PCDH15: variants seen among roughly 807,000 people sequenced by gnomAD.
PCDH15 encodes protocadherin-15.
A neutral mutation model predicts 178.5 loss-of-function variants in PCDH15; 129 were observed. The ratio of observed to expected loss-of-function variants is 0.72; its 90% CI spans 0.63 to 0.84. The LOEUF is 0.84. Ranked by LOEUF, PCDH15 falls within the 40% of genes least tolerant of loss-of-function variation. The pLI is 0.00. For missense variants in PCDH15, 2,230 were observed against 2,099.9 expected (o/e 1.06, Z -1.21); for synonymous variants, 800 against 732.0 (o/e 1.09, Z -1.50).
At chr10:55,118,386 C>G (rs982197360) in intron 2 of PCDH15, among the ~76,000 whole-genome samples, 1 of 152,100 alleles carries the variant, frequency 6.6e-6, no homozygotes, top group African/African-American at 2.4e-5. Context: ...ATCATGAGGG[C>G]GTACCATTTT....
chr10:54,562,259 G>T (rs909095573), intron 2 of PCDH15, among the ~76,000 whole-genome samples: 4 of 152,058 alleles, frequency 2.6e-5, no homozygotes, highest in Non-Finnish European at 5.9e-5. Context: ...CCAAAGTGCT[G>T]GGATTACAGG....
chr10:54,027,136 T>C (rs1258754668), intron 18 of PCDH15, among the ~76,000 whole-genome samples: 1 of 146,506 alleles, frequency 6.8e-6, no homozygotes, highest in Non-Finnish European at 1.5e-5. Flanking sequence ...AGCATTCTTA[T>C]ACACCAACAA....
In PCDH15 at chr10:53,805,782, C is replaced by T. The variant is rs552683305; in HGVS notation, c.*797G>A. 3.3e-5 allele frequency: 5 copies of T among 152,218 alleles called. No homozygotes were observed. In the East Asian group the frequency reaches 7.7e-4, roughly 24 times the overall value. 9.4% of individuals were successfully genotyped at this position (152,218 alleles called of 1,614,324 possible). On this transcript the variant is annotated 3_prime_UTR_variant, in exon 38 of 38. Coordinates refer to ENST00000644397, the MANE Select transcript of PCDH15 (RefSeq NM_001384140.1). Reference sequence around the variant, plus strand: ...CATTACTGCTTACTCGAACCTTTCTCACTTCCCTAAAAGCTTTTGCTAAGG... The same window carrying T: ...CATTACTGCTTACTCGAACCTTTCTTACTTCCCTAAAAGCTTTTGCTAAGG...
At chr10:55,094,904 A>G (rs1434640836) in intron 2 of PCDH15, among the ~76,000 whole-genome samples, 4 of 151,384 alleles carry the variant, frequency 2.6e-5, no homozygotes, top group African/African-American at 9.7e-5. Context: ...AAAACACACC[A>G]AAAAACAAAC....
At chr10:54,175,736 G>C (rs1364109026) in intron 13 of PCDH15, among the ~76,000 whole-genome samples, 1 of 152,130 alleles carries the variant, frequency 6.6e-6, no homozygotes, top group East Asian at 1.9e-4. Flanking sequence ...CTTCATCTCT[G>C]TCACTTAAAA....
intron 10 of PCDH15, among the ~76,000 whole-genome samples, chr10:54,199,802 A>C (rs1227444910): frequency 1.3e-5 from 2 of 152,070 alleles, no homozygotes; most frequent in South Asian, 2.1e-4. Context: ...AGGTAACCTT[A>C]TTTATATTTA....
rs1162474047 is a variant in PCDH15 at position 54,183,601 on chromosome 10, A to G, written c.1441-8T>C. 6.2e-7 allele frequency: 1 copy of G among 1,613,672 alleles called. No homozygotes were observed. Among genetic ancestry groups the G allele is most frequent in the Non-Finnish European group, 8.5e-7 (1 of 1,179,924 alleles). ...ACCATCAAATGCTGTTATCTTTGGGAGGAGAAAAATACACTTAGTAGAGAT... is the reference window on the plus strand; with the variant it reads ...ACCATCAAATGCTGTTATCTTTGGGGGGAGAAAAATACACTTAGTAGAGAT... On this transcript the variant is annotated splice_region_variant and splice_polypyrimidine_tract_variant and intron_variant, in intron 12 of 37. Coordinates refer to ENST00000644397, the MANE Select transcript of PCDH15 (RefSeq NM_001384140.1).
chr10:54,519,009 C>G (rs1168332296), intron 3 of PCDH15, among the ~76,000 whole-genome samples: 1 of 152,178 alleles, frequency 6.6e-6, no homozygotes, highest in East Asian at 1.9e-4. Context: ...CAAAATTCAA[C>G]AATCCTTCAT....
At chr10:54,242,148 A>T (rs1195098810) in intron 8 of PCDH15, among the ~76,000 whole-genome samples, 3 of 73,710 alleles carry the variant, frequency 4.1e-5, no homozygotes, top group African/African-American at 1.4e-4. Flanking sequence ...ATATATATAT[A>T]TATATATATA....
chr10:55,239,095 G>C (rs191913573), intron 1 of PCDH15, among the ~76,000 whole-genome samples: 1 of 152,128 alleles, frequency 6.6e-6, no homozygotes, highest in African/African-American at 2.4e-5. Flanking sequence ...TTCCACAAAT[G>C]AGTAAGAATA....
At position 54,770,529 on chromosome 10, in the gene PCDH15, G is replaced by A. The variant is rs12217615; in HGVS notation, c.-29+30396C>T. On this transcript the variant is annotated intron_variant, in intron 1 of 37. Transcript: ENST00000644397. ...GTTAAAGTGTTCATTTTAGTTCAACGATACCTGAAATGCAGGCTGTGAGGT... is the reference window on the plus strand; with the variant it reads ...GTTAAAGTGTTCATTTTAGTTCAACAATACCTGAAATGCAGGCTGTGAGGT... Among the ~76,000 whole-genome samples the A allele has an allele frequency of 4.8e-3, 732 of 152,096 alleles. 16 individuals are homozygous for A. In the East Asian group the frequency reaches 0.056, roughly 12 times the overall value.
At chr10:54,917,627 G>A (rs956186777) in intron 2 of PCDH15, among the ~76,000 whole-genome samples, 3 of 152,118 alleles carry the variant, frequency 2.0e-5, no homozygotes, top group African/African-American at 7.2e-5. Context: ...TATGCTCTGT[G>A]ACTTGAATAC....
chr10:55,102,578 G>T (rs186842915), intron 2 of PCDH15, among the ~76,000 whole-genome samples: 4 of 152,060 alleles, frequency 2.6e-5, no homozygotes, highest in Admixed American at 2.0e-4. Context: ...AAAATATCTT[G>T]TATACTGTAC....
chr10:54,302,853 A>G (rs1469361616), intron 8 of PCDH15, among the ~76,000 whole-genome samples: 1 of 152,162 alleles, frequency 6.6e-6, no homozygotes, highest in Non-Finnish European at 1.5e-5. Context: ...TTTACAAAGT[A>G]AAAATACAAA....
At chr10:54,057,159 A>C (rs1411715701) in intron 18 of PCDH15, among the ~76,000 whole-genome samples, 1 of 152,144 alleles carries the variant, frequency 6.6e-6, no homozygotes, top group Non-Finnish European at 1.5e-5. Context: ...CCCAAAGTGC[A>C]AGCTGTCAGT....
intron 3 of PCDH15, among the ~76,000 whole-genome samples, chr10:54,516,632 C>T (rs1189953832): frequency 6.6e-6 from 1 of 152,146 alleles, no homozygotes; most frequent in Non-Finnish European, 1.5e-5. Context: ...TTGGAAAACA[C>T]TCTGCAGGAT....
rs143562625 is a variant in PCDH15 at position 54,422,662 on chromosome 10, C to T, written c.158-43720G>A. Among the ~76,000 whole-genome samples the T allele has an allele frequency of 4.3e-3, 649 of 152,214 alleles. 9 individuals are homozygous for T. The South Asian group carries it at 0.05, about 12-fold the overall frequency. On this transcript the variant is annotated intron_variant, in intron 3 of 37. Transcript: ENST00000644397. ...GCTTCCAGACATTGACAAATATTCC[C>T]TGAAAAGTAAAATTGTCCCGGCTTG...
At chr10:53,918,935 C>G (rs2083766690) in intron 25 of PCDH15, among the ~76,000 whole-genome samples, 1 of 152,160 alleles carries the variant, frequency 6.6e-6, no homozygotes, top group Non-Finnish European at 1.5e-5. Flanking sequence ...AGGGCTGTAT[C>G]TGTTTCCTTG....
At chr10:54,242,634 G>A (rs929593783) in intron 8 of PCDH15, among the ~76,000 whole-genome samples, 2 of 151,922 alleles carry the variant, frequency 1.3e-5, no homozygotes, top group Non-Finnish European at 2.9e-5. Flanking sequence ...ATGACATTTC[G>A]CAGACTGATT....
Sources: gnomAD v4.1 joint callset for allele counts (sites outside exome capture counted in the v4.1 genomes callset) on GRCh38, gnomAD v4.1.1 for gene constraint, MANE v1.5 for transcripts, NCBI Gene and HGNC (gene_info 2026-07-23, HGNC 2026-07-21) for gene names.